Variants in PARG observed in about 807,000 individuals in gnomAD.
The protein encoded by PARG is mitochondrial poly(ADP-ribose) glycohydrolase.
In PARG, 35 loss-of-function variants were observed where a neutral mutation model predicts 113.0. The ratio of observed to expected loss-of-function variants is 0.31; its 90% CI spans 0.24 to 0.41. The LOEUF (loss-of-function observed/expected upper bound fraction) is 0.41, where lower values mean the gene tolerates loss of function less well. Ranked by LOEUF, PARG falls within the 10% of genes least tolerant of loss-of-function variation. PARG has a pLI of 1.00. For missense variants in PARG, 797 were observed against 1,169.4 expected, an observed-to-expected ratio of 0.68 and a Z score of 4.64; for synonymous variants, 330 against 409.9, an observed-to-expected ratio of 0.81 and a Z score of 2.36.
At chr10:49,908,901 C>A (rs1428635825) in intron 7 of PARG, among the ~76,000 whole-genome samples, 1 of 152,132 alleles carries the variant, frequency 6.6e-6, no homozygotes, top group Admixed American at 6.6e-5. Context: ...CGCCTTAGGT[C>A]AGCTTTTCCC....
At position 49,933,560 on chromosome 10, in the gene PARG, C is replaced by G. The variant is rs1427755228; in HGVS notation, c.888G>C (p.Lys296Asn). ...CCATCGGTGACTCGGGTTCACTTTC[C>G]TTCTCAAATGGAGGAGAATTTCCTA... is the stretch of plus-strand genomic sequence containing the variant. Reference protein sequence around the residue: ...SCLGNSPPFEKESEPESPMDV... With the variant: ...SCLGNSPPFENESEPESPMDV... The change falls in exon 3 of 18, where the codon AAG becomes AAC. Residue 296 changes from lysine to asparagine, a missense_variant. Coordinates refer to ENST00000616448, the MANE Select transcript of PARG (RefSeq NM_003631.5). 1.3e-5 allele frequency: 21 copies of G among 1,611,874 alleles called. No homozygotes were observed. The highest frequency in any genetic ancestry group is 2.2e-5 in the South Asian group (2 of 90,988).
intron 9 of PARG, among the ~76,000 whole-genome samples, chr10:49,874,352 G>T (rs1366702679): frequency 1.3e-5 from 2 of 152,180 alleles, no homozygotes; most frequent in African/African-American, 4.8e-5. Context: ...CAGTTGCATG[G>T]TTCTAATTAA....
intron 11 of PARG, among the ~76,000 whole-genome samples, chr10:49,862,865 T>C (rs539500236): frequency 2.6e-4 from 39 of 151,554 alleles, no homozygotes; most frequent in African/African-American, 9.4e-4. Context: ...CCTACTTTCC[T>C]AGCCATTTTA....
chr10:49,819,623 G>T (rs1843967905), intron 17 of PARG, 129 bp from the exon 18 acceptor site: 3 of 660,814 alleles, frequency 4.5e-6, no homozygotes, highest in Non-Finnish European at 7.8e-6. Context: ...AATACAGCAT[G>T]AATTTCATAT....
intron 13 of PARG, among the ~76,000 whole-genome samples, chr10:49,854,371 A>T (rs1369496685): frequency 6.6e-6 from 1 of 152,212 alleles, no homozygotes; most frequent in Non-Finnish European, 1.5e-5. Flanking sequence ...GAAAACAATT[A>T]CAGGGATTGT....
chr10:49,888,414 T>C (rs1222603923), intron 7 of PARG, among the ~76,000 whole-genome samples: 1 of 152,184 alleles, frequency 6.6e-6, no homozygotes, highest in Non-Finnish European at 1.5e-5. Flanking sequence ...TATGTTAGGT[T>C]CACTGATGTC....
At chr10:49,885,450 C>T (rs1389230021) in intron 7 of PARG, among the ~76,000 whole-genome samples, 155 bp from the exon 8 acceptor site, 2 of 152,124 alleles carry the variant, frequency 1.3e-5, no homozygotes, top group Non-Finnish European at 2.9e-5. Context: ...TGTACAAATG[C>T]ATCAACAGGT....
intron 7 of PARG, among the ~76,000 whole-genome samples, chr10:49,915,060 A>T (rs1837393007): frequency 1.3e-5 from 2 of 152,176 alleles, no homozygotes; most frequent in Non-Finnish European, 2.9e-5. Context: ...CTTAGAAGAA[A>T]CATAAATCTT....
Position 49,873,577 on chromosome 10 carries a change from C to G in PARG, c.1989-4022G>C, listed in dbSNP as rs1353631081. 2.8e-5 allele frequency among the ~76,000 whole-genome samples: 4 copies of G among 142,730 alleles called. 1 individual carries two copies. Among genetic ancestry groups the G allele is most frequent in the African/African-American group, 1.0e-4 (4 of 38,794 alleles). 93.6% of individuals were successfully genotyped at this position (142,730 alleles called of 152,430 possible). A position where few individuals can be genotyped will look rare whatever the true frequency, so the allele number is the denominator to read the frequency against. ...CTGAACCTTATCAGTAGAGAGGCTT[C>G]CCTACCTAGAAAATTCCATAGACAG... On this transcript the variant is annotated intron_variant, in intron 9 of 17. Coordinates refer to ENST00000616448, the MANE Select transcript of PARG (RefSeq NM_003631.5).
intron 15 of PARG, 27 bp downstream of exon 15, chr10:49,841,923 G>C: frequency 7.1e-7 from 1 of 1,400,770 alleles, no homozygotes; most frequent in Non-Finnish European, 9.8e-7. Flanking sequence ...ACAGCTGCCA[G>C]ATGAACTAAG....
Position 49,857,353 on chromosome 10 carries a change from C to T in PARG, c.2306G>A (p.Arg769Gln), listed in dbSNP as rs1564616480. 1.6e-6 allele frequency: 2 copies of T among 1,257,196 alleles called. No homozygotes were observed. Among genetic ancestry groups the T allele is most frequent in the African/African-American group, 3.0e-5 (2 of 67,696 alleles). 77.9% of individuals were successfully genotyped at this position (1,257,196 alleles called of 1,614,324 possible). The change falls in exon 13 of 18, where the codon CGG becomes CAG. Residue 769 changes from arginine (R) to glutamine (Q), a missense_variant. Around this residue, in one of 5 missense-constraint regions of PARG, gnomAD observed 40 missense variants for 124.5 expected, o/e 0.32. Transcript: ENST00000616448. ...FLINPELIIS[R>Q]LFTEVLDHNE... ...GTGATCCAGCACCTCAGTGAAGAGC[C>T]GTGAAATAATCAACTCAGGATTGAT...
At chr10:49,925,971 G>A (rs1166622037) in intron 4 of PARG, among the ~76,000 whole-genome samples, 1 of 152,220 alleles carries the variant, frequency 6.6e-6, no homozygotes, top group Non-Finnish European at 1.5e-5. Context: ...TCCTGCCCCT[G>A]TACCCTTTCC....
At chr10:49,874,468 A>G (rs1374013830) in intron 9 of PARG, among the ~76,000 whole-genome samples, 7 of 152,176 alleles carry the variant, frequency 4.6e-5, no homozygotes, top group Non-Finnish European at 7.3e-5. Flanking sequence ...GACCATGTAC[A>G]ATGAAAAAGA....
At chr10:49,904,787 G>A (rs1485287835) in intron 7 of PARG, among the ~76,000 whole-genome samples, 3 of 152,032 alleles carry the variant, frequency 2.0e-5, no homozygotes, top group East Asian at 1.9e-4. Flanking sequence ...AAGGTGGTGC[G>A]TGCCTGTAAT....
chr10:49,828,776 G>GA (rs1738288602), intron 16 of PARG, among the ~76,000 whole-genome samples: 1 of 152,342 alleles, frequency 6.6e-6, no homozygotes, highest in East Asian at 1.9e-4. Context: ...TTGGGAGGCT[G>GA]AAACAGGAGG....
intron 7 of PARG, among the ~76,000 whole-genome samples, chr10:49,888,229 T>G (rs1332804244): frequency 6.6e-6 from 1 of 151,922 alleles, no homozygotes; most frequent in Non-Finnish European, 1.5e-5. Context: ...TTACAATATT[T>G]GAAAACAGTG....
chr10:49,865,274 C>G, intron 11 of PARG, 47 bp downstream of exon 11: 1 of 658,854 alleles, frequency 1.5e-6, no homozygotes, highest in South Asian at 1.7e-5. Flanking sequence ...GTGCAAGAGT[C>G]CTTCTATTTC....
intron 8 of PARG, among the ~76,000 whole-genome samples, chr10:49,883,909 G>C (rs1364684203): frequency 6.7e-6 from 1 of 150,318 alleles, no homozygotes; most frequent in African/African-American, 2.4e-5. Flanking sequence ...GGTACCTTGA[G>C]AAAAATAGGT....
rs137968350 is a variant in PARG at position 49,843,598 on chromosome 10, A to G, written c.2388T>C (p.Ala796=). The G allele has an allele frequency of 7.5e-4, 1,166 of 1,551,022 alleles. 12 individuals carry two copies. In the African/African-American group the frequency reaches 0.015, roughly 19 times the overall value. The change falls in exon 14 of 18, where the codon GCT becomes GCC. Residue 796 remains alanine (A), a synonymous_variant. Transcript: ENST00000616448. ...TEQYSEYTGY[A]ETYRWSRSHE... ...GGCTCCGGGACCAACGATATGTCTC[A>G]GCATAGCCTGTGTATTCACTGTACT...
Sources: allele counts gnomAD v4.1 joint callset (sites outside exome capture counted in the v4.1 genomes callset), GRCh38; gene constraint gnomAD v4.1.1; regional missense constraint gnomAD v4.1.1; transcripts MANE v1.5; gene names NCBI Gene and HGNC (gene_info 2026-07-23, HGNC 2026-07-21).